Variants in PDE8A observed in about 807,000 individuals in gnomAD.
PDE8A encodes the protein phosphodiesterase 8A.
Under a neutral mutation model 105.0 loss-of-function variants are expected in PDE8A, and 59 were observed. The observed-to-expected ratio is 0.56, with a 90% CI of 0.46 to 0.70. The LOEUF (loss-of-function observed/expected upper bound fraction) is 0.70, where lower values mean the gene tolerates loss of function less well. Ranked by LOEUF, PDE8A falls within the 30% of genes least tolerant of loss-of-function variation. The pLI is 0.00. For missense variants in PDE8A, 1,014 were observed against 1,045.9 expected, an observed-to-expected ratio of 0.97 and a Z score of 0.42; for synonymous variants, 355 against 371.9, an observed-to-expected ratio of 0.95 and a Z score of 0.52.
chr15:85,138,855 G>C lies in PDE8A; in HGVS notation c.*952G>C, dbSNP rs1248590862. The C allele has an allele frequency of 6.6e-6, 1 of 152,100 alleles. No individual in the cohort carries two copies. Among genetic ancestry groups the C allele is most frequent in the Non-Finnish European group, 1.5e-5 (1 of 68,020 alleles). The allele number at this position is 152,100 out of a possible 1,614,324, so 9.4% of individuals were successfully genotyped here. ...AAATTTTATAATTCAATTTCCAAAA[G>C]TCTACTCTATTTTATACTGTTTCTA... On this transcript the variant is annotated 3_prime_UTR_variant, in exon 22 of 22. Coordinates refer to ENST00000394553, the MANE Select transcript of PDE8A (RefSeq NM_002605.3).
In PDE8A at chr15:85,067,123, C is replaced by T; in HGVS notation, c.353C>T (p.Ala118Val). 3 of 1,613,822 alleles carry T rather than the reference C, an allele frequency of 1.9e-6. No homozygotes were observed. Among genetic ancestry groups the T allele is most frequent in the Non-Finnish European group, 2.5e-6 (3 of 1,179,734 alleles). Residue 118 changes from alanine (A) to valine (V), a missense_variant, in exon 3 of 22, where the codon GCC becomes GTC. Physicochemically the swap from Ala to Val is moderately conservative, Grantham distance 64. Coordinates refer to ENST00000394553, the MANE Select transcript of PDE8A (RefSeq NM_002605.3). ...TVTKEAQAVL[A>V]CFLDKHHDII... Reference sequence around the variant, plus strand: ...ACCAAGGAGGCTCAGGCTGTCCTTGCCTGTTTCCTGGACAAACATCATGAC... The same window carrying T: ...ACCAAGGAGGCTCAGGCTGTCCTTGTCTGTTTCCTGGACAAACATCATGAC...
Position 85,017,622 on chromosome 15 carries a change from C to A in PDE8A, c.186+35274C>A, listed in dbSNP as rs148792011. Among the ~76,000 whole-genome samples, 34 of 152,258 alleles carry A rather than the reference C, an allele frequency of 2.2e-4. 1 individual carries two copies. The East Asian group carries it at 6.6e-3, about 29-fold the overall frequency. ...AGGAATAAGACCGGACACGGTGGCTCACGCCTGTAATCCCAACACTTTGGG... is the reference window on the plus strand; with the variant it reads ...AGGAATAAGACCGGACACGGTGGCTAACGCCTGTAATCCCAACACTTTGGG... On this transcript the variant is annotated intron_variant, in intron 1 of 21. Coordinates refer to ENST00000394553, the MANE Select transcript of PDE8A (RefSeq NM_002605.3).
At chr15:85,134,253 T>C (rs1175399062) in intron 20 of PDE8A, among the ~76,000 whole-genome samples, 1 of 152,224 alleles carries the variant, frequency 6.6e-6, no homozygotes, top group Non-Finnish European at 1.5e-5. Flanking sequence ...TCTGGATGAC[T>C]GAGTGGCTGA....
chr15:85,092,071 A>G (rs1208963227), intron 8 of PDE8A, among the ~76,000 whole-genome samples: 1 of 152,026 alleles, frequency 6.6e-6, no homozygotes, highest in Non-Finnish European at 1.5e-5. Flanking sequence ...GTAGCACAAA[A>G]CAGCAGCTTA....
chr15:85,033,204 A>C (rs1344424989), intron 1 of PDE8A, among the ~76,000 whole-genome samples: 1 of 152,196 alleles, frequency 6.6e-6, no homozygotes, highest in African/African-American at 2.4e-5. Context: ...ACATTTTCCA[A>C]CGTAAGGGAC....
intron 11 of PDE8A, among the ~76,000 whole-genome samples, chr15:85,101,562 C>T (rs955614229): frequency 6.6e-6 from 1 of 152,126 alleles, no homozygotes; most frequent in Non-Finnish European, 1.5e-5. Context: ...CATCTGTGGA[C>T]AGTGGGAGTC....
chr15:85,074,160 C>T (rs1260828525), intron 3 of PDE8A, among the ~76,000 whole-genome samples: 2 of 152,208 alleles, frequency 1.3e-5, no homozygotes, highest in Non-Finnish European at 2.9e-5. Flanking sequence ...CTACCCCTGG[C>T]CTATTCTGCA....
At chr15:85,119,465 T>A (rs1221359139) in intron 17 of PDE8A, among the ~76,000 whole-genome samples, 2 of 16,060 alleles carry the variant, frequency 1.2e-4, no homozygotes, top group South Asian at 2.5e-3. Flanking sequence ...AAGACTCTCG[T>A]CTCAAAAAAA....
At chr15:85,039,599 T>C (rs1372990952) in intron 1 of PDE8A, among the ~76,000 whole-genome samples, 2 of 152,142 alleles carry the variant, frequency 1.3e-5, no homozygotes, top group Non-Finnish European at 2.9e-5. Flanking sequence ...CAATCCCACT[T>C]CTGAGTGTAT....
chr15:85,073,165 C>T (rs372478258), intron 3 of PDE8A, among the ~76,000 whole-genome samples: 1 of 152,172 alleles, frequency 6.6e-6, no homozygotes, highest in African/African-American at 2.4e-5. Context: ...ACACTGCTTT[C>T]AGAATCTCAT....
chr15:85,042,236 G>A (rs926461974), intron 1 of PDE8A, among the ~76,000 whole-genome samples: 1 of 152,108 alleles, frequency 6.6e-6, no homozygotes, highest in African/African-American at 2.4e-5. Flanking sequence ...GAGTGCAGTG[G>A]TGCAATAATA....
chr15:84,983,260 C>G (rs548742441), intron 1 of PDE8A, among the ~76,000 whole-genome samples: 11 of 152,310 alleles, frequency 7.2e-5, no homozygotes, highest in African/African-American at 2.6e-4. Context: ...TTTTGTTAAA[C>G]CAGTAAAAGA....
intron 1 of PDE8A, among the ~76,000 whole-genome samples, chr15:85,039,387 C>T (rs986666641): frequency 1.3e-5 from 2 of 151,350 alleles, no homozygotes; most frequent in African/African-American, 2.4e-5. Flanking sequence ...TGTGATCGCA[C>T]CACTGTCTCC....
Position 84,982,149 on chromosome 15 carries a change from G to C in PDE8A, c.-14G>C, listed in dbSNP as rs758291532. 2.1e-4 allele frequency: 283 copies of C among 1,331,728 alleles called. No individual in the cohort carries two copies. Among genetic ancestry groups the C allele is most frequent in the Non-Finnish European group, 2.6e-4 (269 of 1,044,108 alleles). The allele number at this position is 1,331,728 out of a possible 1,614,324, so 82.5% of individuals were successfully genotyped here. ...GCGGCTACCCGCCAGCGTGTCCGCG[G>C]CGCCGCCGCCAGCATGGGCTGTGCC... On this transcript the variant is annotated 5_prime_UTR_variant, in exon 1 of 22. Coordinates refer to ENST00000394553, the MANE Select transcript of PDE8A (RefSeq NM_002605.3).
chr15:85,075,475 A>G (rs2081367748), intron 3 of PDE8A, among the ~76,000 whole-genome samples: 1 of 152,230 alleles, frequency 6.6e-6, no homozygotes, highest in African/African-American at 2.4e-5. Context: ...CATAGCCATC[A>G]TCTTGTGGTA....
At chr15:85,024,365 G>T (rs935691031) in intron 1 of PDE8A, among the ~76,000 whole-genome samples, 3 of 152,120 alleles carry the variant, frequency 2.0e-5, no homozygotes, top group Admixed American at 6.5e-5. Flanking sequence ...AAGTGAATTT[G>T]GTCTAGTTTG....
chr15:85,137,403 G>A (rs529479070), intron 21 of PDE8A, among the ~76,000 whole-genome samples: 19 of 151,560 alleles, frequency 1.3e-4, no homozygotes, highest in Middle Eastern at 3.4e-3. Flanking sequence ...AGATGCTGGT[G>A]TATGTGAAGC....
intron 1 of PDE8A, among the ~76,000 whole-genome samples, chr15:85,019,623 C>T (rs187212554): frequency 6.3e-4 from 95 of 151,924 alleles, no homozygotes; most frequent in African/African-American, 2.1e-3. Flanking sequence ...CTCTTGTCAC[C>T]CAGGCTGGTG....
At chr15:85,129,114 C>T (rs1018629536) in intron 20 of PDE8A, among the ~76,000 whole-genome samples, 1 of 152,102 alleles carries the variant, frequency 6.6e-6, no homozygotes, top group Non-Finnish European at 1.5e-5. Flanking sequence ...TCCACATAGT[C>T]ATTGTGTATA....
Sources: allele counts gnomAD v4.1 joint callset (sites outside exome capture counted in the v4.1 genomes callset), GRCh38; gene constraint gnomAD v4.1.1; transcripts MANE v1.5; gene names NCBI Gene and HGNC (gene_info 2026-07-23, HGNC 2026-07-21).